The following PDE7B variants were observed in gnomAD, a reference collection of about 807,000 sequenced individuals.
PDE7B encodes phosphodiesterase 7B.
Under a neutral mutation model 56.2 loss-of-function variants are expected in PDE7B, and 29 were observed. The ratio of observed to expected loss-of-function variants is 0.52; its 90% CI spans 0.38 to 0.70. The LOEUF (loss-of-function observed/expected upper bound fraction) is 0.70, where lower values mean the gene tolerates loss of function less well. PDE7B is among the 30% of genes least tolerant of loss of function. PDE7B has a pLI of 0.00. For synonymous variants in PDE7B, 197 were observed against 196.9 expected, an observed-to-expected ratio of 1.00 and a Z score of 0.00; for missense variants, 490 against 565.0, an observed-to-expected ratio of 0.87 and a Z score of 1.35.
chr6:136,088,044 C>A (rs890001387), intron 2 of PDE7B, among the ~76,000 whole-genome samples: 4 of 152,186 alleles, frequency 2.6e-5, no homozygotes, highest in African/African-American at 7.2e-5. Context: ...GTGGGACCAT[C>A]CATCCCATCG....
At chr6:136,146,707 T>G (rs1778418206) in intron 3 of PDE7B, among the ~76,000 whole-genome samples, 1 of 152,192 alleles carries the variant, frequency 6.6e-6, no homozygotes, top group Non-Finnish European at 1.5e-5. Context: ...TCAATTCTGC[T>G]GTAGTAGAAA....
chr6:136,060,331 A>G (rs888564045), intron 2 of PDE7B, among the ~76,000 whole-genome samples: 2 of 152,092 alleles, frequency 1.3e-5, no homozygotes, highest in Non-Finnish European at 2.9e-5. Flanking sequence ...TTTCTCTTCC[A>G]GTTGTCTCCT....
At chr6:136,005,097 A>C (rs1200035841) in intron 2 of PDE7B, among the ~76,000 whole-genome samples, 30 of 152,262 alleles carry the variant, frequency 2.0e-4, no homozygotes, top group South Asian at 1.5e-3. Flanking sequence ...AAAACAAGCA[A>C]TGGGTAAAGG....
chr6:135,961,062 G>T (rs1475020531), intron 2 of PDE7B, among the ~76,000 whole-genome samples: 1 of 152,074 alleles, frequency 6.6e-6, no homozygotes, highest in African/African-American at 2.4e-5. Context: ...GGTAGAGTTT[G>T]GTCATGATAG....
intron 1 of PDE7B, among the ~76,000 whole-genome samples, chr6:135,921,096 G>C (rs1284079512): frequency 6.6e-6 from 1 of 152,164 alleles, no homozygotes; most frequent in Non-Finnish European, 1.5e-5. Context: ...AAGTCAGTGA[G>C]TGTAGACGAC....
At chr6:135,991,276 CAGCCCCTACTCA>C (rs914274396) in intron 2 of PDE7B, among the ~76,000 whole-genome samples, 5 of 152,110 alleles carry the variant, frequency 3.3e-5, no homozygotes, top group African/African-American at 1.2e-4. Flanking sequence ...GTCTTTTTCC[CAGCCCCTACTCA>C]AGATGGAGTT....
chr6:135,948,595 T>G (rs1774631097), intron 2 of PDE7B, among the ~76,000 whole-genome samples: 1 of 151,934 alleles, frequency 6.6e-6, no homozygotes, highest in African/African-American at 2.4e-5. Context: ...GACATCATAT[T>G]TTTCTAGCCT....
chr6:136,140,451 C>G (rs1220554750), intron 3 of PDE7B, among the ~76,000 whole-genome samples: 1 of 152,140 alleles, frequency 6.6e-6, no homozygotes, highest in African/African-American at 2.4e-5. Flanking sequence ...CTTGGTAATG[C>G]AGGCTCTTTT....
intron 1 of PDE7B, among the ~76,000 whole-genome samples, chr6:135,914,732 G>A (rs1299462164): frequency 2.2e-5 from 1 of 44,750 alleles, no homozygotes; most frequent in Non-Finnish European, 3.5e-5. Flanking sequence ...CTCGTGATCC[G>A]CCCGCCTCGG....
At chr6:136,133,521 T>A (rs569406516) in intron 3 of PDE7B, among the ~76,000 whole-genome samples, 1 of 152,268 alleles carries the variant, frequency 6.6e-6, no homozygotes, top group South Asian at 2.1e-4. Context: ...ATTACTTCAA[T>A]TCAACAATTA....
intron 1 of PDE7B, among the ~76,000 whole-genome samples, chr6:135,919,977 G>A (rs778491854): frequency 4.0e-5 from 6 of 151,808 alleles, no homozygotes; most frequent in Non-Finnish European, 7.4e-5. Context: ...AGTAAATATT[G>A]CTATCCTTAT....
chr6:136,135,281 T>A (rs1471752101), intron 3 of PDE7B, among the ~76,000 whole-genome samples: 1 of 152,116 alleles, frequency 6.6e-6, no homozygotes, highest in Non-Finnish European at 1.5e-5. Flanking sequence ...TGGTTTAGGT[T>A]TTTTCTCCCT....
At position 136,191,620 on chromosome 6, in the gene PDE7B, TGA is replaced by T. The variant is rs768109542; in HGVS notation, c.1135_1136del (p.Ser379LeufsTer16). 6.2e-7 allele frequency: 1 copy of T among 1,613,724 alleles called. No homozygotes were observed. The highest frequency in any genetic ancestry group is 8.5e-7 in the Non-Finnish European group (1 of 1,179,722). ...CTTGACTTGCCTGTTCTAGGTTTCA[TGA>T]GCTACATCGTGGAGCCGCTCTTCCG... On this transcript the variant is annotated frameshift_variant, in exon 13 of 13. Coordinates refer to ENST00000308191, the MANE Select transcript of PDE7B (RefSeq NM_018945.4). LOFTEE classifies it high-confidence loss of function.
intron 1 of PDE7B, among the ~76,000 whole-genome samples, chr6:135,933,660 C>T (rs913512642): frequency 1.3e-4 from 20 of 152,032 alleles, no homozygotes; most frequent in African/African-American, 4.1e-4. Context: ...TTAAAAAATT[C>T]GAATAAGCAA....
rs566408380 is a variant in PDE7B at position 135,916,392 on chromosome 6, C to CTTTTTTTTTTTTTTTTTTTT, written c.22-31054_22-31053insTTTTTTTTTTTTTTTTTTTT. On this transcript the variant is annotated intron_variant, in intron 1 of 12. Coordinates refer to ENST00000308191, the MANE Select transcript of PDE7B (RefSeq NM_018945.4). ...TTTTTTCTTTTCTTTTCTTTTCTTT[C>CTTTTTTTTTTTTTTTTTTTT]TTTTTTTTTTTTTTTTTTGAGATGG... 5.2e-5 allele frequency among the ~76,000 whole-genome samples: 5 copies of CTTTTTTTTTTTTTTTTTTTT among 96,350 alleles called. 1 individual carries two copies. The highest frequency in any genetic ancestry group is 7.6e-4 in the East Asian group (2 of 2,620). 63.2% of individuals were successfully genotyped at this position (96,350 alleles called of 152,430 possible). A position where few individuals can be genotyped will look rare whatever the true frequency, so the allele number is the denominator to read the frequency against.
chr6:136,006,792 AGCTGAAGGAGCTTTTGG>A (rs1775792967), intron 2 of PDE7B, among the ~76,000 whole-genome samples: 1 of 152,162 alleles, frequency 6.6e-6, no homozygotes, highest in African/African-American at 2.4e-5. Flanking sequence ...GTTGTTTATC[AGCTGAAGGAGCTTTTGG>A]GCTGAGACTA....
intron 8 of PDE7B, 73 bp downstream of exon 8, chr6:136,155,831 T>A: frequency 6.8e-7 from 1 of 1,473,244 alleles, no homozygotes; most frequent in Non-Finnish European, 9.5e-7. Context: ...GCCTGAATCT[T>A]GCCCATGGAG....
intron 1 of PDE7B, among the ~76,000 whole-genome samples, chr6:135,894,584 C>A (rs1381592947): frequency 1.3e-5 from 2 of 152,100 alleles, no homozygotes; most frequent in African/African-American, 4.8e-5. Flanking sequence ...AGAGAGGAGA[C>A]CCCAAGGACA....
intron 2 of PDE7B, among the ~76,000 whole-genome samples, chr6:136,049,887 C>CACTTGAAT (rs1776594242): frequency 6.6e-6 from 1 of 152,084 alleles, no homozygotes; most frequent in Non-Finnish European, 1.5e-5. Flanking sequence ...AGGGTACTTT[C>CACTTGAAT]ACTTGAATTT....
Sources: allele counts gnomAD v4.1 joint callset (sites outside exome capture counted in the v4.1 genomes callset), GRCh38; gene constraint gnomAD v4.1.1; transcripts MANE v1.5; gene names NCBI Gene and HGNC (gene_info 2026-07-23, HGNC 2026-07-21).